Variants in FRRS1 observed in about 807,000 individuals in gnomAD.
FRRS1 encodes the protein ferric reductase 1.
Under a neutral mutation model 70.7 loss-of-function variants are expected in FRRS1, and 51 were observed. The observed-to-expected ratio is 0.72, with a 90% CI of 0.58 to 0.91. The LOEUF is 0.91. FRRS1 is among the 40% of genes least tolerant of loss of function. The pLI, the probability that FRRS1 is intolerant of heterozygous loss-of-function variation, is 0.00. For missense variants in FRRS1, 672 were observed against 726.0 expected (o/e 0.93, Z 0.86); for synonymous variants, 225 against 238.7 (o/e 0.94, Z 0.53).
chr1:99,715,199 C>G (rs1206763203), intron 12 of FRRS1, among the ~76,000 whole-genome samples: 2 of 152,086 alleles, frequency 1.3e-5, no homozygotes, highest in Non-Finnish European at 2.9e-5. Context: ...CTTAGCACCG[C>G]TGGGTACTGA....
rs766123807 is a variant in FRRS1 at position 99,740,903 on chromosome 1, TCACC to T, written c.462_465del (p.Trp154Ter). On this transcript the variant is annotated frameshift_variant, in exon 6 of 17. Transcript: ENST00000646001. LOFTEE classifies it high-confidence loss of function. ...TGTGAAATTATAGGACCAGGAATCT[TCACC>T]CAGTAGATTTTATACTTCTCAACAA... 1 of 1,607,832 alleles carries T rather than the reference TCACC, an allele frequency of 6.2e-7. No homozygotes were observed.
rs1557704270 is a variant in FRRS1 at position 99,748,891 on chromosome 1, A to G, written c.-1+6T>C. 2 of 634,440 alleles carry G rather than the reference A, an allele frequency of 3.2e-6. No homozygotes were observed. Among genetic ancestry groups the G allele is most frequent in the Non-Finnish European group, 2.7e-6 (1 of 374,166 alleles). The allele number at this position is 634,440 out of a possible 1,614,324, so 39.3% of individuals were successfully genotyped here. On this transcript the variant is annotated splice_donor_region_variant and intron_variant, in intron 2 of 16. Transcript: ENST00000646001. ...CTGTGTTCAGCAAACCATATTCTCA[A>G]CATACCTGATAAAAAGAATGTGATA...
chr1:99,760,601 T>C (rs1415378113), intron 1 of FRRS1, among the ~76,000 whole-genome samples: 1 of 152,226 alleles, frequency 6.6e-6, no homozygotes, highest in African/African-American at 2.4e-5. Flanking sequence ...AAGTGGCACA[T>C]TCAATACCAA....
At chr1:99,711,066 G>A (rs1055414692) in intron 14 of FRRS1, 117 bp from the exon 15 acceptor site, 3 of 869,140 alleles carry the variant, frequency 3.5e-6, no homozygotes, top group African/African-American at 3.4e-5. Flanking sequence ...GATAAAAGAA[G>A]ATTAATATCT....
intron 6 of FRRS1, 105 bp downstream of exon 6, chr1:99,740,688 T>C: frequency 1.3e-6 from 1 of 764,006 alleles, no homozygotes; most frequent in Non-Finnish European, 2.3e-6. Context: ...TCCAAGCACT[T>C]TGTGACTCCA....
chr1:99,730,311 T>G (rs1655293217), intron 7 of FRRS1, among the ~76,000 whole-genome samples: 1 of 152,194 alleles, frequency 6.6e-6, no homozygotes, highest in Non-Finnish European at 1.5e-5. Flanking sequence ...GATTTAATGT[T>G]ATATAACTGA....
At chr1:99,716,641 G>C (rs935548342) in intron 11 of FRRS1, among the ~76,000 whole-genome samples, 13 of 152,104 alleles carry the variant, frequency 8.5e-5, no homozygotes, top group African/African-American at 2.9e-4. Context: ...AAATTTATAT[G>C]AATATTAAAT....
At chr1:99,754,881 T>C (rs1337598285) in intron 1 of FRRS1, among the ~76,000 whole-genome samples, 5 of 152,160 alleles carry the variant, frequency 3.3e-5, no homozygotes, top group African/African-American at 1.2e-4. Flanking sequence ...TAACCAGCCC[T>C]GCACCTAATG....
chr1:99,716,248 ATGTG>A (rs1396936449), intron 11 of FRRS1, among the ~76,000 whole-genome samples: 1 of 152,160 alleles, frequency 6.6e-6, no homozygotes, highest in African/African-American at 2.4e-5. Flanking sequence ...CACCCTGTGT[ATGTG>A]TGTGTGTATG....
At position 99,760,667 on chromosome 1, in the gene FRRS1, T is replaced by C. The variant is rs552208040; in HGVS notation, c.-106+5940A>G. ...ATGGTAGGAAAGACTTCTTTTTTTT[T>C]GAGATGGAGTCTCGCTCTGTCGCCC... On this transcript the variant is annotated intron_variant, in intron 1 of 16. Transcript: ENST00000646001. 3.9e-3 allele frequency among the ~76,000 whole-genome samples: 600 copies of C among 152,334 alleles called. 7 individuals are homozygous for C. Among genetic ancestry groups the C allele is most frequent in the Non-Finnish European group, 6.5e-3 (441 of 68,022 alleles).
intron 7 of FRRS1, among the ~76,000 whole-genome samples, chr1:99,730,117 TTC>T (rs954169967): frequency 6.6e-6 from 1 of 152,050 alleles, no homozygotes; most frequent in African/African-American, 2.4e-5. Context: ...AAATATAGAG[TTC>T]TGTTACCTTT....
At chr1:99,764,293 A>G (rs1050816483) in intron 1 of FRRS1, among the ~76,000 whole-genome samples, 1 of 152,234 alleles carries the variant, frequency 6.6e-6, no homozygotes, top group Admixed American at 6.5e-5. Context: ...CATGCTTCCA[A>G]TTGTTCTCAA....
At chr1:99,733,118 G>A (rs1183443740) in intron 7 of FRRS1, among the ~76,000 whole-genome samples, 1 of 152,106 alleles carries the variant, frequency 6.6e-6, no homozygotes, top group Non-Finnish European at 1.5e-5. Flanking sequence ...CAAAGTGCTG[G>A]GATTATAGGC....
intron 4 of FRRS1, among the ~76,000 whole-genome samples, chr1:99,744,473 G>A (rs1324404051): frequency 6.6e-6 from 1 of 152,108 alleles, no homozygotes; most frequent in Non-Finnish European, 1.5e-5. Flanking sequence ...CGGCTAACAC[G>A]GTGAAACCCC....
At position 99,738,079 on chromosome 1, in the gene FRRS1, T is replaced by C. The variant is rs1443681307; in HGVS notation, c.759+7A>G. ...TGTTACCACTTATGTAAGTGAGAGG[T>C]ACCAACCATCCACTGATCATGAGAC... On this transcript the variant is annotated splice_region_variant and intron_variant, in intron 7 of 16. Coordinates refer to ENST00000646001, the MANE Select transcript of FRRS1 (RefSeq NM_001361041.2). 6 of 1,603,322 alleles carry C rather than the reference T, an allele frequency of 3.7e-6. No individual in the cohort carries two copies. The African/African-American group carries it at 4.0e-5, about 11-fold the overall frequency.
intron 1 of FRRS1, among the ~76,000 whole-genome samples, chr1:99,753,373 T>C (rs1656669884): frequency 6.6e-6 from 1 of 151,632 alleles, no homozygotes; most frequent in Non-Finnish European, 1.5e-5. Flanking sequence ...TTTAATAATT[T>C]TATAAATTTT....
At position 99,709,197 on chromosome 1, in the gene FRRS1, CCT is replaced by C; in HGVS notation, c.1685_1686del (p.Glu562GlyfsTer5). 9 of 1,609,200 alleles carry C rather than the reference CCT, an allele frequency of 5.6e-6. No individual in the cohort carries two copies. The highest frequency in any genetic ancestry group is 7.7e-6 in the Non-Finnish European group (9 of 1,175,770). ...ILQSFTAVET[E>X]GHAFKKAVLA... is the part of the protein sequence containing the mutation. ...TGTCAATGAACAAGAAAAGGACTTACCTCTGTTTCCACTGCAGTAAATGACTG... is the reference window on the plus strand; with the variant it reads ...TGTCAATGAACAAGAAAAGGACTTACCTGTTTCCACTGCAGTAAATGACTG... On this transcript the variant is annotated frameshift_variant and splice_region_variant, in exon 16 of 17. Transcript: ENST00000646001. LOFTEE classifies it high-confidence loss of function.
Position 99,712,476 on chromosome 1 carries a change from T to C in FRRS1, c.1363A>G (p.Thr455Ala), listed in dbSNP as rs759762635. ...YHPYLGCIVMTLAVLQPLLAV... is the reference protein window; with the variant it reads ...YHPYLGCIVMALAVLQPLLAV... ...AGAAGAGGCTGAAGAACTGCCAAAG[T>C]CATCACTATACAGCCGAGGTATGGG... Residue 455 changes from threonine to alanine, a missense_variant, in exon 13 of 17, where the codon ACT becomes GCT. By Grantham distance (58) the Thr-to-Ala change is moderately conservative. Coordinates refer to ENST00000646001, the MANE Select transcript of FRRS1 (RefSeq NM_001361041.2). 7 of 1,613,326 alleles carry C rather than the reference T, an allele frequency of 4.3e-6. No homozygotes were observed. Among genetic ancestry groups the C allele is most frequent in the Non-Finnish European group, 5.9e-6 (7 of 1,179,666 alleles).
chr1:99,747,447 AG>A lies in FRRS1; in HGVS notation c.197-18del. The A allele has an allele frequency of 2.5e-6, 4 of 1,602,800 alleles. No individual in the cohort carries two copies. The highest frequency in any genetic ancestry group is 3.4e-6 in the Non-Finnish European group (4 of 1,176,572). On this transcript the variant is annotated intron_variant, in intron 3 of 16. Coordinates refer to ENST00000646001, the MANE Select transcript of FRRS1 (RefSeq NM_001361041.2). ...ACAAAGTAACTGAGAAAAAGACAAAAGGGTTGGTTAAAAAGCTTAGTAATAT... is the reference window on the plus strand; with the variant it reads ...ACAAAGTAACTGAGAAAAAGACAAAAGGTTGGTTAAAAAGCTTAGTAATAT...
Sources: gnomAD v4.1 joint callset for allele counts (sites outside exome capture counted in the v4.1 genomes callset) on GRCh38, gnomAD v4.1.1 for gene constraint, MANE v1.5 for transcripts, NCBI Gene and HGNC (gene_info 2026-07-23, HGNC 2026-07-21) for gene names.